The following MYLK4 variants were observed in gnomAD, a reference collection of about 807,000 sequenced individuals.
The protein encoded by MYLK4 is myosin light chain kinase family member 4, also known as caMLCK like.
MYLK4 carries 46 observed loss-of-function variants against 48.1 expected under a neutral mutation model. The ratio of observed to expected loss-of-function variants is 0.96; its 90% CI spans 0.75 to 1.22. The LOEUF is 1.22. MYLK4 is among the 50% of genes most tolerant of loss of function. MYLK4 has a pLI of 0.00. For synonymous variants in MYLK4, 170 were observed against 180.8 expected, an observed-to-expected ratio of 0.94 and a Z score of 0.48; for missense variants, 451 against 486.1, an observed-to-expected ratio of 0.93 and a Z score of 0.68.
At chr6:2,737,786 T>C (rs2113346884) in intron 2 of MYLK4, among the ~76,000 whole-genome samples, 1 of 152,232 alleles carries the variant, frequency 6.6e-6, no homozygotes, top group African/African-American at 2.4e-5. Flanking sequence ...TGTAGGACTC[T>C]GAGCAGGAAA....
chr6:2,766,801 A>G, the MYLK4 span, among the ~76,000 whole-genome samples: 1 of 151,990 alleles, frequency 6.6e-6, no homozygotes, highest in Non-Finnish European at 1.5e-5. Flanking sequence ...TTCGCAAGGA[A>G]TCAGCATGTT....
Position 2,713,944 on chromosome 6 carries a change from A to C in MYLK4, c.160-21085T>G, listed in dbSNP as rs1033193509. Among the ~76,000 whole-genome samples the C allele has an allele frequency of 2.6e-5, 4 of 152,328 alleles. No individual in the cohort carries two copies. In the East Asian group the frequency reaches 7.7e-4, roughly 29 times the overall value. ...GTGAAAAATAATACAAGCCCAAACC[A>C]CAATGAGATAACACCTTATACCCAT... On this transcript the variant is annotated intron_variant, in intron 2 of 12. Transcript: ENST00000274643.
chr6:2,743,824 G>A (rs1307314875), intron 2 of MYLK4: 1 of 397,328 alleles, frequency 2.5e-6, no homozygotes, highest in Non-Finnish European at 4.4e-6. Context: ...CATTTACTTT[G>A]GCAAGCGTCA....
intron 2 of MYLK4, among the ~76,000 whole-genome samples, chr6:2,720,172 A>C (rs1763019114): frequency 6.6e-6 from 1 of 152,160 alleles, no homozygotes; most frequent in Non-Finnish European, 1.5e-5. Context: ...TGGGAGGCTG[A>C]GGCGGGTAGA....
chr6:2,762,954 A>C, the MYLK4 span, among the ~76,000 whole-genome samples: 1 of 152,224 alleles, frequency 6.6e-6, no homozygotes, highest in East Asian at 1.9e-4. Context: ...AGACCCAAAC[A>C]CCAGCTAATG....
rs1000533499 is a variant in MYLK4, at chr6:2,688,759, T to C, written c.341+92A>G. ...TTAAAATGTTTGTTTCTAATGTTTC[T>C]AGTTCTCAGGTCAAGACAGGCAGAC... On this transcript the variant is annotated intron_variant, in intron 4 of 12. Transcript: ENST00000274643. 4 of 970,296 alleles carry C rather than the reference T, an allele frequency of 4.1e-6. No individual in the cohort carries two copies. In the Admixed American group the frequency reaches 6.1e-5, roughly 15 times the overall value. 60.1% of individuals were successfully genotyped at this position (970,296 alleles called of 1,614,324 possible). A position where few individuals can be genotyped will look rare whatever the true frequency, so the allele number is the denominator to read the frequency against.
intron 2 of MYLK4, among the ~76,000 whole-genome samples, chr6:2,734,538 A>T (rs1763597618): frequency 6.6e-6 from 1 of 152,198 alleles, no homozygotes; most frequent in South Asian, 2.1e-4. Context: ...ATCAAGGAAA[A>T]TATGCTCTTA....
chr6:2,763,986 C>T, the MYLK4 span, among the ~76,000 whole-genome samples: 159 of 152,232 alleles, frequency 1.0e-3, no homozygotes, highest in African/African-American at 2.8e-3. Flanking sequence ...AAAAAAATTA[C>T]CTGGGTGTGG....
At chr6:2,747,356 T>TA (rs1392820570) in intron 2 of MYLK4, among the ~76,000 whole-genome samples, 3 of 152,150 alleles carry the variant, frequency 2.0e-5, no homozygotes, top group Non-Finnish European at 4.4e-5. Context: ...TCTTTTTTTT[T>TA]ATCTTCAGAA....
intron 2 of MYLK4, among the ~76,000 whole-genome samples, chr6:2,735,447 C>T (rs1209273201): frequency 2.0e-5 from 3 of 152,178 alleles, no homozygotes; most frequent in Admixed American, 1.3e-4. Context: ...TGGCCCTATT[C>T]ATCACATTGT....
intron 2 of MYLK4, among the ~76,000 whole-genome samples, chr6:2,698,263 C>T (rs898440858): frequency 2.0e-5 from 3 of 152,186 alleles, no homozygotes; most frequent in African/African-American, 7.2e-5. Flanking sequence ...GGTCGGCCAC[C>T]CTGTCCTACA....
rs376017003 is a variant in MYLK4 at position 2,665,899 on chromosome 6, A to C, written c.*2026T>G. On this transcript the variant is annotated 3_prime_UTR_variant, in exon 13 of 13. Transcript: ENST00000274643. ...AGATAGCATAGTAATATAACACTCC[A>C]GTCACAGGGTTTTGTGTGTGTGTGT... 1 of 150,250 alleles carries C rather than the reference A, an allele frequency of 6.7e-6. No homozygotes were observed. Among genetic ancestry groups the C allele is most frequent in the African/African-American group, 2.5e-5 (1 of 40,736 alleles). 9.3% of individuals were successfully genotyped at this position (150,250 alleles called of 1,614,324 possible). A position where few individuals can be genotyped will look rare whatever the true frequency, so the allele number is the denominator to read the frequency against.
intron 2 of MYLK4, among the ~76,000 whole-genome samples, chr6:2,731,866 G>A (rs1488717045): frequency 6.6e-6 from 1 of 152,232 alleles, no homozygotes; most frequent in African/African-American, 2.4e-5. Flanking sequence ...ATTTTAAGGA[G>A]ACTGGTGAGG....
chr6:2,705,938 A>T (rs752732239), intron 2 of MYLK4, among the ~76,000 whole-genome samples: 33 of 152,222 alleles, frequency 2.2e-4, no homozygotes, highest in Middle Eastern at 3.4e-3. Context: ...AAAAAACCTT[A>T]AAGAGCATTG....
At chr6:2,679,936 T>A (rs1206127183) in intron 8 of MYLK4, among the ~76,000 whole-genome samples, 1 of 152,216 alleles carries the variant, frequency 6.6e-6, no homozygotes, top group Non-Finnish European at 1.5e-5. Flanking sequence ...GGATCAAATA[T>A]GAAAGAGGGG....
At chr6:2,741,818 C>A (rs896676467) in intron 2 of MYLK4, among the ~76,000 whole-genome samples, 5 of 152,212 alleles carry the variant, frequency 3.3e-5, no homozygotes, top group Non-Finnish European at 5.9e-5. Flanking sequence ...TTAACTCACA[C>A]AACTTGTTGG....
chr6:2,765,856 G>C, the MYLK4 span: 2 of 1,423,410 alleles, frequency 1.4e-6, no homozygotes, highest in African/African-American at 1.5e-5. Context: ...CGGAGAGCTC[G>C]GCGCTGAAGC....
chr6:2,752,194 A>AT (rs1026806395), upstream of MYLK4, among the ~76,000 whole-genome samples: 1 of 152,136 alleles, frequency 6.6e-6, no homozygotes, highest in African/African-American at 2.4e-5. Context: ...TCCTTAGCTT[A>AT]TTTTTTTGTA....
chr6:2,748,543 A>G (rs535154510), intron 2 of MYLK4, among the ~76,000 whole-genome samples: 1 of 152,344 alleles, frequency 6.6e-6, no homozygotes, highest in East Asian at 1.9e-4. Context: ...TACAGACGTG[A>G]TCACACTTAA....
Sources: gnomAD v4.1 joint callset for allele counts (sites outside exome capture counted in the v4.1 genomes callset) on GRCh38, gnomAD v4.1.1 for gene constraint, MANE v1.5 for transcripts, NCBI Gene and HGNC (gene_info 2026-07-23, HGNC 2026-07-21) for gene names.